Variants in AMBRA1 observed in about 807,000 individuals in gnomAD.
AMBRA1 encodes the protein autophagy and beclin 1 regulator 1.
Under a neutral mutation model 125.4 loss-of-function variants are expected in AMBRA1, and 47 were observed. The ratio of observed to expected loss-of-function variants is 0.37; its 90% CI spans 0.30 to 0.48. AMBRA1 has a LOEUF of 0.48. Among genes scored for constraint, AMBRA1 ranks in the 20% least tolerant of loss-of-function variants. AMBRA1 has a pLI of 0.99. For missense variants in AMBRA1, 1,331 were observed against 1,693.4 expected (o/e 0.79, Z 3.76); for synonymous variants, 626 against 655.5 (o/e 0.95, Z 0.69).
chr11:46,434,115 C>CAAAAAAAAAAAA (rs145761376), intron 13 of AMBRA1, among the ~76,000 whole-genome samples: 1 of 53,556 alleles, frequency 1.9e-5, no homozygotes, highest in Non-Finnish European at 3.7e-5. Context: ...AACTCCGTCT[C>CAAAAAAAAAAAA]AAAAAAAAAA....
intron 11 of AMBRA1, among the ~76,000 whole-genome samples, chr11:46,459,257 A>G (rs902756890): frequency 6.6e-6 from 1 of 152,218 alleles, no homozygotes; most frequent in Non-Finnish European, 1.5e-5. Flanking sequence ...CACATAGAAA[A>G]AAACTTGGAA....
intron 11 of AMBRA1, chr11:46,451,769 A>T (rs1948607395): frequency 6.6e-6 from 1 of 152,424 alleles, no homozygotes; most frequent in Non-Finnish European, 1.5e-5. Flanking sequence ...ATCATCCTGG[A>T]GACACAATTA....
At chr11:46,452,816 T>C in intron 11 of AMBRA1, among the ~76,000 whole-genome samples, 1 of 152,210 alleles carries the variant, frequency 6.6e-6, no homozygotes, top group East Asian at 1.9e-4. Flanking sequence ...ACTTCTTCCA[T>C]GCTTAGAAGT....
At chr11:46,452,833 A>T (rs554470608) in intron 11 of AMBRA1, among the ~76,000 whole-genome samples, 33 of 152,320 alleles carry the variant, frequency 2.2e-4, no homozygotes, top group Non-Finnish European at 4.3e-4. Context: ...AAGTGTCCCA[A>T]GTTTCTCTGA....
At chr11:46,529,934 C>T (rs72912134) in intron 7 of AMBRA1, among the ~76,000 whole-genome samples, 201 of 152,250 alleles carry the variant, frequency 1.3e-3, no homozygotes, top group Non-Finnish European at 2.3e-3. Context: ...GGGCCCACCC[C>T]CCAACCACTC....
chr11:46,406,702 G>A (rs922535521), intron 17 of AMBRA1, among the ~76,000 whole-genome samples: 13 of 151,484 alleles, frequency 8.6e-5, no homozygotes, highest in South Asian at 2.1e-4. Context: ...CCAACATGGC[G>A]AAACCCCGTC....
At chr11:46,459,539 C>T (rs961610486) in intron 11 of AMBRA1, among the ~76,000 whole-genome samples, 1 of 151,798 alleles carries the variant, frequency 6.6e-6, no homozygotes, top group East Asian at 1.9e-4. Context: ...GGTGAAACCC[C>T]GTCTCTACTA....
At chr11:46,587,448 G>A (rs993818936) in intron 1 of AMBRA1, among the ~76,000 whole-genome samples, 4 of 152,082 alleles carry the variant, frequency 2.6e-5, no homozygotes, top group Admixed American at 2.0e-4. Flanking sequence ...AGTTATCCTT[G>A]ACTATGTAAA....
At chr11:46,406,334 G>A (rs1005610286) in intron 17 of AMBRA1, among the ~76,000 whole-genome samples, 13 of 145,282 alleles carry the variant, frequency 8.9e-5, no homozygotes, top group South Asian at 4.4e-4. Flanking sequence ...AATTACAGGC[G>A]TGAGCCACCA....
intron 11 of AMBRA1, among the ~76,000 whole-genome samples, chr11:46,482,762 G>C (rs56851661): frequency 0.018 from 2,681 of 152,234 alleles, 82 homozygotes; most frequent in African/African-American, 0.061. Flanking sequence ...TGTAATCCCA[G>C]CACTTTGGGG....
At chr11:46,544,179 C>A in intron 5 of AMBRA1, 138 bp from the exon 6 acceptor site, 2 of 629,348 alleles carry the variant, frequency 3.2e-6, no homozygotes, top group East Asian at 2.8e-5. Flanking sequence ...TCAAGACTTC[C>A]AAAACTTTCA....
chr11:46,503,302 T>C (rs908999713), intron 9 of AMBRA1, among the ~76,000 whole-genome samples: 5 of 152,024 alleles, frequency 3.3e-5, no homozygotes, highest in Admixed American at 6.6e-5. Context: ...TATCAGGGAA[T>C]AGGAAGGCCC....
chr11:46,559,213 T>G (rs533685592), intron 1 of AMBRA1, among the ~76,000 whole-genome samples: 52 of 151,976 alleles, frequency 3.4e-4, no homozygotes, highest in African/African-American at 1.2e-3. Context: ...GGTGGGAGAA[T>G]TGCTTGAACT....
At chr11:46,558,633 GA>G (rs948791606) in intron 1 of AMBRA1, among the ~76,000 whole-genome samples, 17 of 142,684 alleles carry the variant, frequency 1.2e-4, no homozygotes, top group African/African-American at 4.5e-4. Flanking sequence ...ATTTTCTACA[GA>G]AAACCCACTA....
chr11:46,439,971 A>G (rs753479444), intron 12 of AMBRA1, among the ~76,000 whole-genome samples: 1 of 152,144 alleles, frequency 6.6e-6, no homozygotes, highest in African/African-American at 2.4e-5. Flanking sequence ...AGTACATTCT[A>G]TCAGCAAGAG....
At chr11:46,506,172 C>A (rs779281379) in intron 9 of AMBRA1, among the ~76,000 whole-genome samples, 1 of 152,152 alleles carries the variant, frequency 6.6e-6, no homozygotes, top group African/African-American at 2.4e-5. Context: ...TGCTGATATA[C>A]GCATCCACCT....
intron 1 of AMBRA1, among the ~76,000 whole-genome samples, chr11:46,567,270 C>T (rs932013784): frequency 6.6e-6 from 1 of 152,176 alleles, no homozygotes; most frequent in African/African-American, 2.4e-5. Context: ...CGTGGTTTCA[C>T]CATTTTGGCC....
At chr11:46,427,506 T>C (rs1328716330) in intron 14 of AMBRA1, among the ~76,000 whole-genome samples, 1 of 152,218 alleles carries the variant, frequency 6.6e-6, no homozygotes, top group Non-Finnish European at 1.5e-5. Flanking sequence ...CCATGGTTCG[T>C]TCTTAACTTA....
intron 11 of AMBRA1, among the ~76,000 whole-genome samples, chr11:46,475,656 T>G (rs1297671889): frequency 6.6e-6 from 1 of 152,220 alleles, no homozygotes; most frequent in Non-Finnish European, 1.5e-5. Flanking sequence ...GTTTGATAAT[T>G]TGTTTCAGTT....
Sources: gnomAD v4.1 joint callset for allele counts (sites outside exome capture counted in the v4.1 genomes callset) on GRCh38, gnomAD v4.1.1 for gene constraint, MANE v1.5 for transcripts, NCBI Gene and HGNC (gene_info 2026-07-23, HGNC 2026-07-21) for gene names.